The following PRKAG2 variants were observed in gnomAD, a reference collection of about 807,000 sequenced individuals.
PRKAG2 encodes the protein 5'-AMP-activated protein kinase subunit gamma-2.
Under a neutral mutation model 69.6 loss-of-function variants are expected in PRKAG2, and 26 were observed. The observed-to-expected ratio is 0.37, with a 90% CI of 0.27 to 0.52. The LOEUF (loss-of-function observed/expected upper bound fraction) is 0.52, where lower values mean the gene tolerates loss of function less well. Ranked by LOEUF, PRKAG2 falls within the 20% of genes least tolerant of loss-of-function variation. PRKAG2 has a pLI of 0.90. For missense variants in PRKAG2, 557 were observed against 740.0 expected (o/e 0.75, Z 2.87); for synonymous variants, 293 against 285.0 (o/e 1.03, Z -0.28).
chr7:151,613,896 G>A (rs1210822806), intron 5 of PRKAG2, among the ~76,000 whole-genome samples: 13 of 149,716 alleles, frequency 8.7e-5, no homozygotes, highest in Admixed American at 8.0e-4. Flanking sequence ...TCTATCTCCC[G>A]GGTTCAAGCG....
chr7:151,856,916 C>T (rs193206112), intron 1 of PRKAG2, among the ~76,000 whole-genome samples: 36 of 152,120 alleles, frequency 2.4e-4, no homozygotes, highest in African/African-American at 6.3e-4. Flanking sequence ...GGAGAGAAAA[C>T]GGAGCAGAGA....
intron 4 of PRKAG2, among the ~76,000 whole-genome samples, chr7:151,648,462 C>T (rs1179164856): frequency 1.3e-5 from 2 of 152,138 alleles, no homozygotes; most frequent in Non-Finnish European, 2.9e-5. Flanking sequence ...GCATGAAGGG[C>T]TGGGGCACCC....
chr7:151,562,321 G>A (rs1295667777), intron 14 of PRKAG2, among the ~76,000 whole-genome samples: 1 of 151,026 alleles, frequency 6.6e-6, no homozygotes, highest in Non-Finnish European at 1.5e-5. Context: ...TGCGCCCTGG[G>A]AGACCCTCTC....
At chr7:151,588,846 T>C (rs576672439) in intron 6 of PRKAG2, among the ~76,000 whole-genome samples, 21 of 152,316 alleles carry the variant, frequency 1.4e-4, no homozygotes, top group Admixed American at 9.2e-4. Flanking sequence ...TATGTCTTTA[T>C]TGGCAGCATG....
intron 3 of PRKAG2, among the ~76,000 whole-genome samples, chr7:151,709,847 TTGAG>T (rs562912798): frequency 3.1e-4 from 47 of 152,120 alleles, no homozygotes; most frequent in Non-Finnish European, 5.4e-4. Context: ...ATGTGTGACA[TTGAG>T]TGACAGTGAC....
chr7:151,822,968 T>G (rs1481390221), intron 1 of PRKAG2, among the ~76,000 whole-genome samples: 1 of 152,122 alleles, frequency 6.6e-6, no homozygotes, highest in Non-Finnish European at 1.5e-5. Context: ...CAAGCCCGGC[T>G]CTATCACTTG....
chr7:151,786,730 C>T (rs569883486), intron 1 of PRKAG2, among the ~76,000 whole-genome samples, 189 bp from the exon 2 acceptor site: 2 of 152,186 alleles, frequency 1.3e-5, no homozygotes, highest in African/African-American at 4.8e-5. Flanking sequence ...CATCCGCTTC[C>T]AGAACGTGCA....
Position 151,854,199 on chromosome 7 carries a change from C to T in PRKAG2, c.114+22308G>A, listed in dbSNP as rs12111701. ...TCTAAAAAATCACATTAGAAATGAGCCTCCAAGGAGCTTGACTTGAACCTG... is the reference window on the plus strand; with the variant it reads ...TCTAAAAAATCACATTAGAAATGAGTCTCCAAGGAGCTTGACTTGAACCTG... On this transcript the variant is annotated intron_variant, in intron 1 of 15. Transcript: ENST00000287878. Among the ~76,000 whole-genome samples, 831 of 152,364 alleles carry T rather than the reference C, an allele frequency of 5.5e-3. 12 individuals are homozygous for T. The highest frequency in any genetic ancestry group is 0.019 in the African/African-American group (785 of 41,584).
rs182940359 is a variant in PRKAG2 at position 151,847,091 on chromosome 7, G to A, written c.114+29416C>T. On this transcript the variant is annotated intron_variant, in intron 1 of 15. Coordinates refer to ENST00000287878, the MANE Select transcript of PRKAG2 (RefSeq NM_016203.4). ...CCTGTGCAAAGCCCATGCTTGACGG[G>A]GGATGCCCGAGAGGGAAATGGTTCT... is the stretch of plus-strand genomic sequence containing the variant. Among the ~76,000 whole-genome samples the A allele has an allele frequency of 1.2e-3, 179 of 152,326 alleles. 1 individual carries two copies. Among genetic ancestry groups the A allele is most frequent in the African/African-American group, 4.3e-3 (178 of 41,574 alleles).
chr7:151,856,624 G>A (rs2151902457), intron 1 of PRKAG2, among the ~76,000 whole-genome samples: 2 of 152,348 alleles, frequency 1.3e-5, no homozygotes, highest in Middle Eastern at 6.8e-3. Flanking sequence ...CAGAGTTGCT[G>A]ATGAGTTAAA....
intron 3 of PRKAG2, among the ~76,000 whole-genome samples, chr7:151,726,524 A>T (rs1032123507): frequency 6.6e-6 from 1 of 151,996 alleles, no homozygotes; most frequent in African/African-American, 2.4e-5. Context: ...CCATGAGAGC[A>T]CTCTGTCACA....
Position 151,560,376 on chromosome 7 carries a change from A to G in PRKAG2, c.1678+148T>C, listed in dbSNP as rs753229192. On this transcript the variant is annotated intron_variant, in intron 15 of 15. Coordinates refer to ENST00000287878, the MANE Select transcript of PRKAG2 (RefSeq NM_016203.4). ...CAGAACACTTAAACTTCCCAACTGA[A>G]GAGAAAACGAAAATGGTTTCAAAGT... 3.2e-6 allele frequency: 5 copies of G among 1,555,826 alleles called. No individual in the cohort carries two copies. In the African/African-American group the frequency reaches 5.4e-5, roughly 17 times the overall value.
intron 3 of PRKAG2, among the ~76,000 whole-genome samples, chr7:151,701,008 C>T (rs1171810465): frequency 1.2e-4 from 19 of 152,222 alleles, no homozygotes; most frequent in African/African-American, 3.4e-4. Context: ...CTGAGTCATG[C>T]AATGTGCTGC....
At chr7:151,669,829 T>C (rs1831595811) in intron 4 of PRKAG2, among the ~76,000 whole-genome samples, 1 of 114,602 alleles carries the variant, frequency 8.7e-6, no homozygotes, top group Non-Finnish European at 1.9e-5. Flanking sequence ...CCTGTGCACC[T>C]GCAGGCACAC....
At chr7:151,826,659 G>A (rs979642729) in intron 1 of PRKAG2, among the ~76,000 whole-genome samples, 5 of 152,206 alleles carry the variant, frequency 3.3e-5, no homozygotes, top group African/African-American at 1.2e-4. Context: ...ATGACTGTAA[G>A]TGAAAATAAA....
At chr7:151,627,612 CGAGACAAAAATAAAAA>C (rs1823304881) in intron 5 of PRKAG2, among the ~76,000 whole-genome samples, 1 of 151,900 alleles carries the variant, frequency 6.6e-6, no homozygotes, top group Admixed American at 6.6e-5. Flanking sequence ...GGCAACAGAG[CGAGACAAAAATAAAAA>C]GAGAGAAAAA....
rs1200697207 is a variant in PRKAG2, at chr7:151,562,757, G to A, written c.1584+1321C>T. ...CCGAGGCGGGCAGATCACGAGGTCA[G>A]GAGATCGAGACCATCCTGGCTGACA... On this transcript the variant is annotated intron_variant, in intron 14 of 15. Coordinates refer to ENST00000287878, the MANE Select transcript of PRKAG2 (RefSeq NM_016203.4). 6.6e-5 allele frequency among the ~76,000 whole-genome samples: 10 copies of A among 152,032 alleles called. 1 individual carries two copies. The highest frequency in any genetic ancestry group is 3.3e-4 in the Admixed American group (5 of 15,254).
chr7:151,837,975 A>G (rs900043857), intron 1 of PRKAG2, among the ~76,000 whole-genome samples: 1 of 152,094 alleles, frequency 6.6e-6, no homozygotes, highest in Non-Finnish European at 1.5e-5. Flanking sequence ...GGCCTTGGAG[A>G]CACGCACAGG....
At chr7:151,786,917 G>A (rs934139643) in intron 1 of PRKAG2, among the ~76,000 whole-genome samples, 1 of 152,230 alleles carries the variant, frequency 6.6e-6, no homozygotes, top group Non-Finnish European at 1.5e-5. Context: ...CATGGGTCCA[G>A]GGACATGTGT....
Sources: gnomAD v4.1 joint callset for allele counts (sites outside exome capture counted in the v4.1 genomes callset) on GRCh38, gnomAD v4.1.1 for gene constraint, MANE v1.5 for transcripts, NCBI Gene and HGNC (gene_info 2026-07-23, HGNC 2026-07-21) for gene names.